Variants in PLA2G6 observed in about 807,000 individuals in gnomAD.
PLA2G6 encodes the protein 85/88 kDa calcium-independent phospholipase A2.
In PLA2G6, 62 loss-of-function variants were observed where a neutral mutation model predicts 83.8. The ratio of observed to expected loss-of-function variants is 0.74; its 90% CI spans 0.60 to 0.91. PLA2G6 has a LOEUF of 0.91. PLA2G6 is among the 40% of genes least tolerant of loss of function. The pLI is 0.00. For synonymous variants in PLA2G6, 417 were observed against 449.8 expected, an observed-to-expected ratio of 0.93 and a Z score of 0.92; for missense variants, 944 against 1,102.0, an observed-to-expected ratio of 0.86 and a Z score of 2.03.
chr22:38,112,639 G>A (rs963855746), intron 15 of PLA2G6, 62 bp from the exon 16 acceptor site: 294 of 1,382,928 alleles, frequency 2.1e-4, no homozygotes, highest in Non-Finnish European at 2.6e-4. Context: ...CACCCCGCCC[G>A]GCCCTGCCCT....
chr22:38,112,203 G>T lies in PLA2G6; in HGVS notation c.2379C>A (p.Arg793=). The change falls in exon 17 of 17, where the codon CGC becomes CGA. Residue 793 remains arginine (R), a synonymous_variant. Transcript: ENST00000332509. The part of the protein sequence containing the change: ...WETEVYIYEH[R]EEFQKLIQLL... ...GCTGGATGAGCTTCTGGAACTCCTC[G>T]CGGTGCTCATAGATGTAGACCTCGG... is the stretch of plus-strand genomic sequence containing the variant. 6.2e-7 allele frequency: 1 copy of T among 1,606,756 alleles called. No homozygotes were observed. Among genetic ancestry groups the T allele is most frequent in the Non-Finnish European group, 8.5e-7 (1 of 1,176,862 alleles).
In PLA2G6 at chr22:38,127,132, C is replaced by T. The variant is rs985840949; in HGVS notation, c.1349-683G>A. 21 of 1,130,250 alleles carry T rather than the reference C, an allele frequency of 1.9e-5. No individual in the cohort carries two copies. The African/African-American group carries it at 2.3e-4, about 12-fold the overall frequency. 70.0% of individuals were successfully genotyped at this position (1,130,250 alleles called of 1,614,324 possible). A position where few individuals can be genotyped will look rare whatever the true frequency, so the allele number is the denominator to read the frequency against. On this transcript the variant is annotated intron_variant, in intron 9 of 16. Coordinates refer to ENST00000332509, the MANE Select transcript of PLA2G6 (RefSeq NM_003560.4). ...CCCAGGTGCCTGGTGCAGCAGCCCG[C>T]GTGACCCCAACTCTGACAGCCCCCC...
At chr22:38,140,534 C>A (rs571540781) in intron 4 of PLA2G6, 20 of 274,508 alleles carry the variant, frequency 7.3e-5, no homozygotes, top group Non-Finnish European at 1.4e-4. Flanking sequence ...AAGAGAAGCA[C>A]CAGGAAAGCC....
chr22:38,169,079 C>T lies in PLA2G6; in HGVS notation c.209+139G>A, dbSNP rs923530917. The T allele has an allele frequency of 1.4e-5, 10 of 723,350 alleles. No homozygotes were observed. The African/African-American group carries it at 1.6e-4, about 11-fold the overall frequency. 44.8% of individuals were successfully genotyped at this position (723,350 alleles called of 1,614,324 possible). A position where few individuals can be genotyped will look rare whatever the true frequency, so the allele number is the denominator to read the frequency against. ...AGCCCTTCCCTCTGGTCCAAGAGTA[C>T]AGTCTCCCCTCTCTCCCACCCCTCT... On this transcript the variant is annotated intron_variant, in intron 2 of 16. Transcript: ENST00000332509.
chr22:38,142,819 A>C, intron 4 of PLA2G6: 1 of 458,342 alleles, frequency 2.2e-6, no homozygotes. Context: ...GAAAAGTGGA[A>C]CTGAACTAAC....
At chr22:38,162,019 C>A (rs2090031067) in intron 2 of PLA2G6, among the ~76,000 whole-genome samples, 1 of 151,808 alleles carries the variant, frequency 6.6e-6, no homozygotes, top group African/African-American at 2.4e-5. Context: ...AGCCTGGCCA[C>A]CATGGCAAAA....
intron 2 of PLA2G6, among the ~76,000 whole-genome samples, chr22:38,160,842 C>G (rs1390858740): frequency 6.6e-6 from 1 of 150,626 alleles, no homozygotes; most frequent in Non-Finnish European, 1.5e-5. Flanking sequence ...GAGACTCCAT[C>G]TCAAAAAAAA....
intron 10 of PLA2G6, chr22:38,125,611 G>A (rs946639123): frequency 1.9e-5 from 9 of 466,368 alleles, no homozygotes; most frequent in Non-Finnish European, 4.0e-5. Context: ...CGGAAGACCC[G>A]GCTGTGAGTT....
chr22:38,148,495 G>C (rs1263776607), intron 2 of PLA2G6: 1 of 716,830 alleles, frequency 1.4e-6, no homozygotes, highest in East Asian at 2.7e-5. Flanking sequence ...TGACTCACCA[G>C]GCTGGAAGGA....
At chr22:38,171,134 T>C (rs2090422749) in intron 1 of PLA2G6, among the ~76,000 whole-genome samples, 1 of 147,068 alleles carries the variant, frequency 6.8e-6, no homozygotes. Flanking sequence ...ATGGCGCCAT[T>C]GCACTCCAGC....
chr22:38,174,801 G>T (rs2090570782), intron 1 of PLA2G6, among the ~76,000 whole-genome samples: 1 of 152,150 alleles, frequency 6.6e-6, no homozygotes, highest in Non-Finnish European at 1.5e-5. Flanking sequence ...AGGGGCCGTG[G>T]TTAGTGCTGT....
intron 1 of PLA2G6, among the ~76,000 whole-genome samples, chr22:38,170,643 G>A (rs933721795): frequency 2.6e-5 from 4 of 152,218 alleles, no homozygotes; most frequent in South Asian, 2.1e-4. Context: ...AAAGCCAGGC[G>A]CCAATCAGAC....
intron 14 of PLA2G6, among the ~76,000 whole-genome samples, chr22:38,115,123 AG>A (rs2087110947): frequency 6.6e-6 from 1 of 152,204 alleles, no homozygotes; most frequent in Admixed American, 6.5e-5. Context: ...CCGAGCCCCC[AG>A]GCCTTTTAGC....
chr22:38,171,254 A>G (rs924345332), intron 1 of PLA2G6, among the ~76,000 whole-genome samples: 1 of 151,582 alleles, frequency 6.6e-6, no homozygotes, highest in Admixed American at 6.6e-5. Flanking sequence ...TCTCTCAATG[A>G]TGTCTATCTG....
intron 3 of PLA2G6, chr22:38,143,534 C>G (rs1333569056): frequency 3.8e-5 from 23 of 604,132 alleles, no homozygotes; most frequent in Non-Finnish European, 3.0e-6. Flanking sequence ...GCCACACCAG[C>G]AGGAAGTGGG....
chr22:38,169,301 C>A lies in PLA2G6; in HGVS notation c.126G>T (p.Gly42=), dbSNP rs765555477. The A allele has an allele frequency of 1.9e-6, 3 of 1,614,210 alleles. No homozygotes were observed. In the South Asian group the frequency reaches 3.3e-5, roughly 18 times the overall value. The change falls in exon 2 of 17, where the codon GGG becomes GGT. Residue 42 remains glycine, a synonymous_variant. Transcript: ENST00000332509. ...YTSSDRVREE[G]QLILFQNTPN... ...GAGTGTTCTGGAACAGAATCAGCTG[C>A]CCTTCCTCCCGAACTCGGTCACTCG... is the stretch of plus-strand genomic sequence containing the variant.
chr22:38,120,506 C>G (rs907229182), intron 12 of PLA2G6, among the ~76,000 whole-genome samples: 2 of 147,628 alleles, frequency 1.4e-5, no homozygotes, highest in Non-Finnish European at 3.1e-5. Flanking sequence ...AGGGCAGAGC[C>G]GGGCAGGGCA....
intron 13 of PLA2G6, 155 bp downstream of exon 13, chr22:38,115,920 C>A: frequency 6.9e-7 from 1 of 1,451,816 alleles, no homozygotes; most frequent in Non-Finnish European, 9.3e-7. Context: ...TGACAGCTCC[C>A]CCGCAATCCC....
In PLA2G6 at chr22:38,170,346, T is replaced by C. The variant is rs1031727806; in HGVS notation, c.-45-875A>G. Among the ~76,000 whole-genome samples the C allele has an allele frequency of 2.4e-4, 37 of 152,078 alleles. 1 individual carries two copies. The highest frequency in any genetic ancestry group is 4.9e-4 in the Non-Finnish European group (33 of 68,004). On this transcript the variant is annotated intron_variant, in intron 1 of 16. Coordinates refer to ENST00000332509, the MANE Select transcript of PLA2G6 (RefSeq NM_003560.4). The stretch of plus-strand genomic sequence containing the variant: ...CATCGGCATTGGTCTAAATCCTTTG[T>C]TTCCTGCTACCACAGGTTTCCCAAA...
Sources: gnomAD v4.1 joint callset for allele counts (sites outside exome capture counted in the v4.1 genomes callset) on GRCh38, gnomAD v4.1.1 for gene constraint, MANE v1.5 for transcripts, NCBI Gene and HGNC (gene_info 2026-07-23, HGNC 2026-07-21) for gene names.